Variants in NACC1 observed in about 807,000 individuals in gnomAD.
The protein encoded by NACC1 is nucleus accumbens associated 1.
Under a neutral mutation model 41.7 loss-of-function variants are expected in NACC1, and 6 were observed. The observed-to-expected ratio is 0.14, with a 90% CI of 0.08 to 0.28. The LOEUF is 0.28. Ranked by LOEUF, NACC1 falls within the 10% of genes least tolerant of loss-of-function variation. The pLI, the probability that NACC1 is intolerant of heterozygous loss-of-function variation, is 1.00. For missense variants in NACC1, 434 were observed against 763.7 expected (o/e 0.57, Z 5.09); for synonymous variants, 338 against 330.6 (o/e 1.02, Z -0.24).
chr19:13,125,130 C>T (rs1380332731), intron 1 of NACC1, among the ~76,000 whole-genome samples: 1 of 152,152 alleles, frequency 6.6e-6, no homozygotes, highest in Non-Finnish European at 1.5e-5. Flanking sequence ...CACTACGCTT[C>T]AGCCTGGGTG....
At chr19:13,121,104 T>C (rs4926198) in intron 1 of NACC1, among the ~76,000 whole-genome samples, 36,604 of 152,048 alleles carry the variant, frequency 0.24, 4,811 homozygotes, top group African/African-American at 0.25. Flanking sequence ...GTGAAGTCAT[T>C]ATGAGCCATG....
intron 1 of NACC1, among the ~76,000 whole-genome samples, chr19:13,127,265 T>A (rs182330725): frequency 7.5e-4 from 92 of 122,110 alleles, no homozygotes; most frequent in African/African-American, 2.9e-3. Context: ...TGTGAGGCTG[T>A]GGCAGGAGGA....
chr19:13,129,177 A>G (rs745591979), intron 1 of NACC1, among the ~76,000 whole-genome samples: 9 of 152,158 alleles, frequency 5.9e-5, no homozygotes, highest in Non-Finnish European at 1.2e-4. Flanking sequence ...GCCTCGCTGC[A>G]GTAGAGGAGG....
chr19:13,135,119 G>T, intron 1 of NACC1, 81 bp from the exon 2 acceptor site: 1 of 1,451,046 alleles, frequency 6.9e-7, no homozygotes. Flanking sequence ...TTTGGGGCCA[G>T]GGCTAGGCCA....
intron 1 of NACC1, among the ~76,000 whole-genome samples, chr19:13,125,349 C>G (rs865805334): frequency 6.6e-6 from 1 of 151,210 alleles, no homozygotes; most frequent in Admixed American, 6.6e-5. Context: ...CTCTTTTATA[C>G]GGGCACAGTT....
Position 13,137,213 on chromosome 19 carries a change from A to G in NACC1, c.1121-58A>G. The G allele has an allele frequency of 6.5e-7, 1 of 1,544,326 alleles. No individual in the cohort carries two copies. Among genetic ancestry groups the G allele is most frequent in the Non-Finnish European group, 8.9e-7 (1 of 1,119,256 alleles). On this transcript the variant is annotated intron_variant, in intron 3 of 5. Coordinates refer to ENST00000292431, the MANE Select transcript of NACC1 (RefSeq NM_052876.4). The surrounding 1 kb of genome is among the most constrained non-coding windows in gnomAD (Gnocchi z 6.1). Reference sequence around the variant, plus strand: ...GTGTTCTGAGATGAGGCCTGGTATCATGGGGGCTGTGGCGGTTTGGGGGCA... The same window carrying G: ...GTGTTCTGAGATGAGGCCTGGTATCGTGGGGGCTGTGGCGGTTTGGGGGCA...
intron 1 of NACC1, among the ~76,000 whole-genome samples, chr19:13,126,946 C>T (rs2019570019): frequency 6.6e-6 from 1 of 151,978 alleles, no homozygotes; most frequent in Admixed American, 6.6e-5. Context: ...CCAAAAAATG[C>T]CCAGTTTGGC....
At chr19:13,129,915 T>TA (rs1269402003) in intron 1 of NACC1, among the ~76,000 whole-genome samples, 2 of 140,064 alleles carry the variant, frequency 1.4e-5, no homozygotes, top group Non-Finnish European at 1.6e-5. Context: ...GACCCTGTCT[T>TA]TAAAAAAAAA....
chr19:13,131,387 C>G (rs2019632663), intron 1 of NACC1, among the ~76,000 whole-genome samples: 1 of 152,228 alleles, frequency 6.6e-6, no homozygotes, highest in Admixed American at 6.5e-5. Flanking sequence ...CCTTGACCAT[C>G]TTGGTCCTTG....
intron 1 of NACC1, among the ~76,000 whole-genome samples, chr19:13,133,417 A>ATT (rs1428135488): frequency 6.6e-6 from 1 of 151,032 alleles, no homozygotes; most frequent in East Asian, 1.9e-4. Context: ...GCTTTCCCTC[A>ATT]CCACACCCCC....
chr19:13,138,120 C>T lies in NACC1; in HGVS notation c.1325-27C>T. ...TGTGGGAGTCACCTGGCCCCCGTGC[C>T]AAGGCCGCACCCACCCTGCCCCACA... is the stretch of plus-strand genomic sequence containing the variant. On this transcript the variant is annotated intron_variant, in intron 5 of 5. Coordinates refer to ENST00000292431, the MANE Select transcript of NACC1 (RefSeq NM_052876.4). This position sits in a 1 kb window ranked among gnomAD's most constrained non-coding sequence, Gnocchi z 5.7. The T allele has an allele frequency of 1.2e-6, 2 of 1,607,578 alleles. No individual in the cohort carries two copies. The highest frequency in any genetic ancestry group is 1.7e-6 in the Non-Finnish European group (2 of 1,175,450).
chr19:13,127,333 CAAAAAAAAAA>C (rs59958429), intron 1 of NACC1, among the ~76,000 whole-genome samples: 1 of 40,126 alleles, frequency 2.5e-5, no homozygotes, highest in African/African-American at 1.1e-4. Context: ...ACGTCTCTAC[CAAAAAAAAAA>C]AAAAAAAAAA....
intron 1 of NACC1, among the ~76,000 whole-genome samples, chr19:13,118,791 G>C (rs981306529): frequency 1.3e-5 from 2 of 148,160 alleles, no homozygotes; most frequent in African/African-American, 2.5e-5. Context: ...CGTGGATGCC[G>C]GAGGGGGAGG....
At chr19:13,134,049 GTTAT>G (rs748022109) in intron 1 of NACC1, among the ~76,000 whole-genome samples, 37 of 152,140 alleles carry the variant, frequency 2.4e-4, no homozygotes, top group Admixed American at 1.6e-3. Context: ...TTTCATGTAA[GTTAT>G]TTATTTATTT....
At chr19:13,134,440 G>A (rs898991452) in intron 1 of NACC1, among the ~76,000 whole-genome samples, 1 of 150,672 alleles carries the variant, frequency 6.6e-6, no homozygotes, top group African/African-American at 2.4e-5. Flanking sequence ...CCACAATCTC[G>A]GCTCACTGCA....
intron 1 of NACC1, chr19:13,131,469 C>A (rs150495158): frequency 1.3e-5 from 2 of 152,230 alleles, no homozygotes; most frequent in Admixed American, 6.5e-5. Flanking sequence ...CTGCCAGGAC[C>A]CCTGAAGTAG....
intron 1 of NACC1, among the ~76,000 whole-genome samples, chr19:13,128,851 G>A (rs975189323): frequency 1.3e-5 from 2 of 152,234 alleles, no homozygotes; most frequent in Non-Finnish European, 2.9e-5. Context: ...CTCACCAGAA[G>A]ATCTGCTCAG....
chr19:13,129,913 C>CT lies in NACC1; in HGVS notation c.-8-5284dup, dbSNP rs1215571037. On this transcript the variant is annotated intron_variant, in intron 1 of 5. Transcript: ENST00000292431. ...CCTGGACAACATAGTGAGACCCTGT[C>CT]TTTAAAAAAAAAAAAATTACCTGTG... Among the ~76,000 whole-genome samples the CT allele has an allele frequency of 2.9e-5, 4 of 138,508 alleles. No homozygotes were observed. In the East Asian group the frequency reaches 7.9e-4, roughly 27 times the overall value. The allele number at this position is 138,508 out of a possible 152,430, so 90.9% of individuals were successfully genotyped here. A position where few individuals can be genotyped will look rare whatever the true frequency, so the allele number is the denominator to read the frequency against.
Position 13,138,358 on chromosome 19 carries a change from C to T in NACC1, c.1536C>T (p.Thr512=), listed in dbSNP as rs760547622. ...TGGGTGTGGAGCATGGCTTCGAGACCGCCAGCCACGAGGGCGAGGCGGGTC... is the reference window on the plus strand; with the variant it reads ...TGGGTGTGGAGCATGGCTTCGAGACTGCCAGCCACGAGGGCGAGGCGGGTC... ...DMMGVEHGFE[T]ASHEGEAGPS... The change falls in exon 6 of 6, where the codon ACC becomes ACT. Residue 512 remains threonine, a synonymous_variant. Transcript: ENST00000292431. The surrounding 1 kb of genome is among the most constrained non-coding windows in gnomAD (Gnocchi z 5.7). The T allele has an allele frequency of 1.9e-5, 31 of 1,613,570 alleles. No individual in the cohort carries two copies. The highest frequency in any genetic ancestry group is 2.2e-5 in the East Asian group (1 of 44,870).
Sources: gnomAD v4.1 joint callset for allele counts (sites outside exome capture counted in the v4.1 genomes callset) on GRCh38, gnomAD v4.1.1 for gene constraint, Gnocchi (gnomAD v3.1) non-coding constraint, MANE v1.5 for transcripts, NCBI Gene and HGNC (gene_info 2026-07-23, HGNC 2026-07-21) for gene names.